ADGRB3: variants seen among roughly 807,000 people sequenced by gnomAD.
The protein encoded by ADGRB3 is adhesion G protein-coupled receptor B3.
ADGRB3 carries 37 observed loss-of-function variants against 193.4 expected under a neutral mutation model. The observed-to-expected ratio is 0.19, with a 90% CI of 0.15 to 0.25. The LOEUF is 0.25. ADGRB3 is among the 10% of genes least tolerant of loss of function. ADGRB3 has a pLI of 1.00. For missense variants in ADGRB3, 1,637 were observed against 1,852.9 expected (o/e 0.88, Z 2.14); for synonymous variants, 690 against 644.2 (o/e 1.07, Z -1.08).
At chr6:68,877,132 A>G (rs931779806) in intron 3 of ADGRB3, among the ~76,000 whole-genome samples, 2 of 152,012 alleles carry the variant, frequency 1.3e-5, no homozygotes, top group Non-Finnish European at 2.9e-5. Flanking sequence ...TTAATTACTT[A>G]ATGGGTAGCC....
chr6:69,021,209 G>A (rs1770253263), intron 13 of ADGRB3, among the ~76,000 whole-genome samples: 1 of 151,980 alleles, frequency 6.6e-6, no homozygotes, highest in Middle Eastern at 3.4e-3. Context: ...TCTTTAGAAT[G>A]TGTTGGATTA....
At chr6:68,913,166 C>G (rs541774968) in intron 3 of ADGRB3, among the ~76,000 whole-genome samples, 1 of 152,144 alleles carries the variant, frequency 6.6e-6, no homozygotes, top group East Asian at 1.9e-4. Flanking sequence ...CTTAAATGTC[C>G]CTGTCTGACA....
intron 17 of ADGRB3, among the ~76,000 whole-genome samples, chr6:69,208,137 C>T (rs1195399731): frequency 1.3e-5 from 2 of 152,188 alleles, no homozygotes; most frequent in Non-Finnish European, 2.9e-5. Flanking sequence ...TTCCTGCCAC[C>T]ATGGCCACAT....
chr6:68,801,732 C>G (rs139802758), intron 3 of ADGRB3, among the ~76,000 whole-genome samples: 182 of 152,010 alleles, frequency 1.2e-3, no homozygotes, highest in African/African-American at 4.2e-3. Flanking sequence ...ATAATAAATC[C>G]TATATCCAGA....
At chr6:69,002,420 T>C (rs1769607875) in intron 11 of ADGRB3, among the ~76,000 whole-genome samples, 1 of 152,098 alleles carries the variant, frequency 6.6e-6, no homozygotes, top group Admixed American at 6.5e-5. Flanking sequence ...GATTTCGCCA[T>C]GTTGGCCACG....
At chr6:69,285,649 C>G (rs1175744484) in intron 20 of ADGRB3, among the ~76,000 whole-genome samples, 1 of 151,996 alleles carries the variant, frequency 6.6e-6, no homozygotes, top group Non-Finnish European at 1.5e-5. Context: ...CCAGCCTGGG[C>G]AACAGAGCGA....
At chr6:68,698,516 A>C (rs1335855614) in intron 3 of ADGRB3, among the ~76,000 whole-genome samples, 1 of 152,020 alleles carries the variant, frequency 6.6e-6, no homozygotes, top group Admixed American at 6.6e-5. Context: ...ATTTGAGATT[A>C]TTACATTCAT....
chr6:68,722,010 T>C (rs1325985839), intron 3 of ADGRB3, among the ~76,000 whole-genome samples: 1 of 151,708 alleles, frequency 6.6e-6, no homozygotes, highest in Non-Finnish European at 1.5e-5. Flanking sequence ...TTCTTATATA[T>C]ATATTCTACA....
At chr6:68,670,442 A>G (rs1768923359) in intron 3 of ADGRB3, among the ~76,000 whole-genome samples, 1 of 151,844 alleles carries the variant, frequency 6.6e-6, no homozygotes, top group Non-Finnish European at 1.5e-5. Flanking sequence ...TTTGATTTTT[A>G]TACTTGATGA....
chr6:69,256,564 A>G (rs1335040025), intron 20 of ADGRB3, among the ~76,000 whole-genome samples: 1 of 151,870 alleles, frequency 6.6e-6, no homozygotes, highest in Non-Finnish European at 1.5e-5. Flanking sequence ...GTATCCTGAG[A>G]CTTTGCTGAA....
intron 17 of ADGRB3, among the ~76,000 whole-genome samples, chr6:69,188,423 C>T (rs1765112494): frequency 6.6e-6 from 1 of 152,098 alleles, no homozygotes; most frequent in African/African-American, 2.4e-5. Context: ...ATTCTCTTGC[C>T]TCAGCCTCCC....
chr6:69,171,950 A>C (rs1034536236), intron 17 of ADGRB3, among the ~76,000 whole-genome samples: 16 of 152,152 alleles, frequency 1.1e-4, no homozygotes, highest in African/African-American at 3.9e-4. Context: ...CCATGTGACT[A>C]CTTCTAGCCA....
chr6:69,263,351 T>A (rs1481704893), intron 20 of ADGRB3, among the ~76,000 whole-genome samples: 2 of 152,016 alleles, frequency 1.3e-5, no homozygotes, highest in Non-Finnish European at 2.9e-5. Context: ...TCTCTCAAGT[T>A]TTTCTTCCAA....
chr6:68,902,638 G>T (rs748546071), intron 3 of ADGRB3, among the ~76,000 whole-genome samples: 1 of 151,866 alleles, frequency 6.6e-6, no homozygotes, highest in Non-Finnish European at 1.5e-5. Flanking sequence ...CCATAAAAAA[G>T]CCAATAATTA....
chr6:68,985,943 G>T (rs1023571448), intron 10 of ADGRB3, among the ~76,000 whole-genome samples: 2 of 152,100 alleles, frequency 1.3e-5, no homozygotes, highest in Non-Finnish European at 1.5e-5. Context: ...AGCTCACAGA[G>T]CATGCTCTAG....
At chr6:68,753,337 A>G (rs564071686) in intron 3 of ADGRB3, among the ~76,000 whole-genome samples, 1 of 152,190 alleles carries the variant, frequency 6.6e-6, no homozygotes, top group Admixed American at 6.5e-5. Flanking sequence ...GGAAAAGAGG[A>G]AATTATCTAA....
chr6:69,360,628 T>A (rs1166920036), intron 28 of ADGRB3, among the ~76,000 whole-genome samples: 1 of 151,892 alleles, frequency 6.6e-6, no homozygotes, highest in Non-Finnish European at 1.5e-5. Flanking sequence ...TTAATCAACT[T>A]TCAGATTTGC....
chr6:69,346,362 A>G (rs1769088643), intron 26 of ADGRB3, among the ~76,000 whole-genome samples: 1 of 152,194 alleles, frequency 6.6e-6, no homozygotes, highest in South Asian at 2.1e-4. Context: ...AGTAACCAAA[A>G]CAGCATGGTA....
chr6:69,060,488 T>A (rs1771716794), intron 15 of ADGRB3, among the ~76,000 whole-genome samples: 1 of 152,110 alleles, frequency 6.6e-6, no homozygotes. Flanking sequence ...TGCAATCTTC[T>A]TTATAGGATA....
Sources: allele counts gnomAD v4.1 joint callset (sites outside exome capture counted in the v4.1 genomes callset), GRCh38; gene constraint gnomAD v4.1.1; transcripts MANE v1.5; gene names NCBI Gene and HGNC (gene_info 2026-07-23, HGNC 2026-07-21).